The following SHC3 variants were observed in gnomAD, a reference collection of about 807,000 sequenced individuals.
The protein encoded by SHC3 is SHC-transforming protein 3.
Under a neutral mutation model 60.4 loss-of-function variants are expected in SHC3, and 15 were observed. That is an observed-to-expected ratio of 0.25 (90% CI 0.17 to 0.38). SHC3 has a LOEUF of 0.38. Ranked by LOEUF, SHC3 falls within the 10% of genes least tolerant of loss-of-function variation. The probability of loss-of-function intolerance (pLI) is 1.00; values close to 1 mark genes in which losing one functional copy is unlikely to be tolerated. For missense variants in SHC3, 677 were observed against 786.1 expected (o/e 0.86, Z 1.66); for synonymous variants, 294 against 325.9 (o/e 0.90, Z 1.05).
chr9:89,085,537 C>CA (rs1825515224), intron 2 of SHC3, among the ~76,000 whole-genome samples: 1 of 152,220 alleles, frequency 6.6e-6, no homozygotes, highest in Non-Finnish European at 1.5e-5. Flanking sequence ...GGTAGATAGA[C>CA]ACAGGTCTCA....
chr9:89,120,057 T>G (rs1321122517), intron 1 of SHC3, among the ~76,000 whole-genome samples: 2 of 152,178 alleles, frequency 1.3e-5, no homozygotes, highest in East Asian at 3.9e-4. Flanking sequence ...TGTGTTACTG[T>G]GGTGTAGAAT....
chr9:89,054,722 A>G (rs979939664), intron 6 of SHC3, among the ~76,000 whole-genome samples: 11 of 152,374 alleles, frequency 7.2e-5, no homozygotes, highest in African/African-American at 2.6e-4. Flanking sequence ...GAGATTCCAA[A>G]TGACGCAAAA....
chr9:89,105,654 G>C (rs561355290), intron 2 of SHC3, among the ~76,000 whole-genome samples: 58 of 152,268 alleles, frequency 3.8e-4, no homozygotes, highest in Admixed American at 6.5e-4. Flanking sequence ...AATATTTGTT[G>C]AATGTATGAA....
chr9:89,030,003 C>G (rs1466234208), intron 11 of SHC3, among the ~76,000 whole-genome samples: 1 of 151,634 alleles, frequency 6.6e-6, no homozygotes, highest in East Asian at 1.9e-4. Context: ...ATAAAACAAA[C>G]AGATTGAAAA....
At chr9:89,024,590 C>A (rs1458659009) in intron 11 of SHC3, among the ~76,000 whole-genome samples, 1 of 152,232 alleles carries the variant, frequency 6.6e-6, no homozygotes, top group Non-Finnish European at 1.5e-5. Context: ...AGATGGCTAT[C>A]GCGAGTCCTG....
intron 2 of SHC3, among the ~76,000 whole-genome samples, chr9:89,108,854 G>A (rs373660980): frequency 1.2e-4 from 19 of 152,134 alleles, no homozygotes; most frequent in East Asian, 7.7e-4. Flanking sequence ...GCCAATTCAT[G>A]TCCACTTAGT....
chr9:89,017,801 G>T (rs1485141762), intron 11 of SHC3, among the ~76,000 whole-genome samples: 1 of 151,968 alleles, frequency 6.6e-6, no homozygotes, highest in Non-Finnish European at 1.5e-5. Flanking sequence ...AAAGTTACAT[G>T]AAAAAAACAA....
chr9:89,047,715 A>G (rs1362837288), intron 7 of SHC3, among the ~76,000 whole-genome samples: 1 of 152,216 alleles, frequency 6.6e-6, no homozygotes, highest in Non-Finnish European at 1.5e-5. Context: ...CCACTAGGGT[A>G]GCTATAATCA....
rs1825965398 is a variant in SHC3 at position 89,112,580 on chromosome 9, A to T, written c.521T>A (p.Phe174Tyr). ...CCTGGTAATTTGTGTTCTTGTACTG[A>T]AGTCAAGAGACCTCATTGAGCGCAG... ...EVLRSMRSLD[F>Y]STRTQITREA... The change falls in exon 2 of 12, where the codon TTC becomes TAC. Residue 174 changes from phenylalanine (F) to tyrosine (Y), a missense_variant. By Grantham distance (22) the Phe-to-Tyr change is conservative (BLOSUM62 3). Transcript: ENST00000375835. 6.2e-7 allele frequency: 1 copy of T among 1,600,146 alleles called. No individual in the cohort carries two copies. The highest frequency in any genetic ancestry group is 1.1e-5 in the South Asian group (1 of 88,010).
chr9:89,025,145 G>A (rs936903461), intron 11 of SHC3, among the ~76,000 whole-genome samples: 5 of 152,208 alleles, frequency 3.3e-5, no homozygotes, highest in East Asian at 1.9e-4. Flanking sequence ...AGGCAAAGCC[G>A]TCAGATGGGG....
chr9:89,141,596 A>T (rs1826394767), intron 1 of SHC3, among the ~76,000 whole-genome samples: 1 of 151,876 alleles, frequency 6.6e-6, no homozygotes, highest in African/African-American at 2.4e-5. Flanking sequence ...GGGCTGCACC[A>T]CAGCCCTGGG....
At chr9:89,055,731 T>C (rs1190796031) in intron 6 of SHC3, among the ~76,000 whole-genome samples, 3 of 152,234 alleles carry the variant, frequency 2.0e-5, no homozygotes, top group Non-Finnish European at 4.4e-5. Context: ...TTTGCAAGTT[T>C]GGAAGGATAG....
At chr9:89,108,508 T>TG (rs1825898259) in intron 2 of SHC3, among the ~76,000 whole-genome samples, 1 of 151,354 alleles carries the variant, frequency 6.6e-6, no homozygotes, top group Admixed American at 6.6e-5. Context: ...ACGACAGGAG[T>TG]GAAACACTGT....
intron 11 of SHC3, among the ~76,000 whole-genome samples, chr9:89,032,284 G>C (rs1824503301): frequency 6.6e-6 from 1 of 152,178 alleles, no homozygotes; most frequent in Non-Finnish European, 1.5e-5. Context: ...TAGTGAATGT[G>C]GGGGCGTTGG....
At chr9:89,134,148 A>G (rs1447660090) in intron 1 of SHC3, among the ~76,000 whole-genome samples, 1 of 152,128 alleles carries the variant, frequency 6.6e-6, no homozygotes, top group Non-Finnish European at 1.5e-5. Flanking sequence ...ACTACTAAAG[A>G]AACAGTTCTA....
chr9:89,051,272 G>T (rs1400370235), intron 7 of SHC3, among the ~76,000 whole-genome samples: 1 of 152,150 alleles, frequency 6.6e-6, no homozygotes, highest in Non-Finnish European at 1.5e-5. Flanking sequence ...CATTATGCAA[G>T]TTCAATCAAG....
chr9:89,132,911 G>A (rs1048807185), intron 1 of SHC3, among the ~76,000 whole-genome samples: 1 of 152,108 alleles, frequency 6.6e-6, no homozygotes, highest in African/African-American at 2.4e-5. Context: ...AGACAAATGG[G>A]ATCTAATTAA....
chr9:89,135,841 T>A (rs907428396), intron 1 of SHC3, among the ~76,000 whole-genome samples: 1 of 152,200 alleles, frequency 6.6e-6, no homozygotes, highest in African/African-American at 2.4e-5. Flanking sequence ...CAACCCCATA[T>A]CAGCTTGGTT....
intron 7 of SHC3, among the ~76,000 whole-genome samples, chr9:89,051,525 G>A (rs1245866110): frequency 6.6e-6 from 1 of 152,214 alleles, no homozygotes; most frequent in African/African-American, 2.4e-5. Flanking sequence ...GGAGTTTACA[G>A]AACTTGCTCA....
Sources: allele counts gnomAD v4.1 joint callset (sites outside exome capture counted in the v4.1 genomes callset), GRCh38; gene constraint gnomAD v4.1.1; transcripts MANE v1.5; gene names NCBI Gene and HGNC (gene_info 2026-07-23, HGNC 2026-07-21).